Variants in LTBP1 observed in about 807,000 individuals in gnomAD.
LTBP1 encodes the protein latent transforming growth factor beta binding protein 1.
In LTBP1, 129 loss-of-function variants were observed where a neutral mutation model predicts 207.6. That is an observed-to-expected ratio of 0.62 (90% CI 0.54 to 0.72). The LOEUF is 0.72. Among genes scored for constraint, LTBP1 ranks in the 30% least tolerant of loss-of-function variants. LTBP1 has a pLI of 0.00. For synonymous variants in LTBP1, 963 were observed against 833.7 expected (o/e 1.16, Z -2.67); for missense variants, 2,281 against 2,217.2 (o/e 1.03, Z -0.58).
chr2:33,046,148 A>G (rs936888231), intron 3 of LTBP1, among the ~76,000 whole-genome samples: 3 of 152,120 alleles, frequency 2.0e-5, no homozygotes, highest in Admixed American at 6.5e-5. Flanking sequence ...TTCCAATACT[A>G]TGTTGAATAG....
intron 5 of LTBP1, among the ~76,000 whole-genome samples, chr2:33,141,124 C>T (rs2082615969): frequency 6.6e-6 from 1 of 152,208 alleles, no homozygotes; most frequent in African/African-American, 2.4e-5. Flanking sequence ...CCTCCTCCGG[C>T]ATTACAAAAA....
At chr2:33,000,912 G>T (rs1308226661) in intron 2 of LTBP1, among the ~76,000 whole-genome samples, 3 of 134,464 alleles carry the variant, frequency 2.2e-5, no homozygotes, top group African/African-American at 7.8e-5. Flanking sequence ...AAGCTTCAGT[G>T]TACAATTGCA....
intron 32 of LTBP1, among the ~76,000 whole-genome samples, chr2:33,395,529 C>A (rs2095350842): frequency 6.6e-6 from 1 of 152,128 alleles, no homozygotes; most frequent in African/African-American, 2.4e-5. Flanking sequence ...CCACTTTCTT[C>A]TCTGAAGGGC....
chr2:32,947,945 C>G (rs1018614391), intron 1 of LTBP1, 127 bp downstream of exon 1: 2 of 734,250 alleles, frequency 2.7e-6, no homozygotes, highest in Non-Finnish European at 3.7e-6. Context: ...GGTCGGCTTT[C>G]TCCTCCCGCC....
intron 5 of LTBP1, among the ~76,000 whole-genome samples, chr2:33,180,647 G>C (rs1326277393): frequency 6.6e-6 from 1 of 151,934 alleles, no homozygotes; most frequent in Non-Finnish European, 1.5e-5. Context: ...GTAGAGACGG[G>C]GGTATGCCTT....
intron 3 of LTBP1, among the ~76,000 whole-genome samples, chr2:33,036,233 G>C (rs1164584813): frequency 6.6e-6 from 1 of 152,094 alleles, no homozygotes; most frequent in Non-Finnish European, 1.5e-5. Context: ...TGGTGGGTCT[G>C]GGGAGGGGTG....
At chr2:33,279,566 A>G (rs1156485342) in intron 18 of LTBP1, among the ~76,000 whole-genome samples, 4 of 151,702 alleles carry the variant, frequency 2.6e-5, no homozygotes, top group East Asian at 3.9e-4. Flanking sequence ...GTTTTAAATT[A>G]TTCCAACCTA....
chr2:33,162,154 T>C (rs191293734), intron 5 of LTBP1, among the ~76,000 whole-genome samples: 1 of 152,220 alleles, frequency 6.6e-6, no homozygotes, highest in African/African-American at 2.4e-5. Context: ...TTTTTGTGGC[T>C]GAAGTGTTGA....
intron 2 of LTBP1, among the ~76,000 whole-genome samples, chr2:32,957,222 TCTC>T (rs779995376): frequency 9.2e-5 from 14 of 152,196 alleles, no homozygotes; most frequent in African/African-American, 2.7e-4. Flanking sequence ...GGAATTGACT[TCTC>T]CTCAGTTTTC....
At chr2:33,368,489 G>C (rs1354077157) in intron 31 of LTBP1, among the ~76,000 whole-genome samples, 1 of 152,164 alleles carries the variant, frequency 6.6e-6, no homozygotes, top group Non-Finnish European at 1.5e-5. Context: ...AAACAATGCT[G>C]CAATGAACCT....
Position 33,222,170 on chromosome 2 carries a change from A to G in LTBP1, c.1876+19A>G. 6.4e-7 allele frequency: 1 copy of G among 1,561,702 alleles called. No individual in the cohort carries two copies. The highest frequency in any genetic ancestry group is 1.7e-5 in the Admixed American group (1 of 59,944). ...TGCCAAGGTAAGACTAACTGAATTC[A>G]TTGATGTGGACTCAACAGTTGTTTT... On this transcript the variant is annotated intron_variant, in intron 9 of 33. Coordinates refer to ENST00000404816, the MANE Select transcript of LTBP1 (RefSeq NM_206943.4).
intron 18 of LTBP1, among the ~76,000 whole-genome samples, chr2:33,277,411 C>T (rs1054915978): frequency 2.6e-5 from 4 of 152,178 alleles, no homozygotes; most frequent in Non-Finnish European, 5.9e-5. Context: ...GAGCAGCTCA[C>T]CACGCCCACA....
intron 3 of LTBP1, among the ~76,000 whole-genome samples, chr2:33,033,417 G>T (rs545821157): frequency 4.3e-4 from 66 of 152,206 alleles, no homozygotes; most frequent in African/African-American, 1.5e-3. Context: ...CTTCTGAATT[G>T]CAGACAGCAT....
At chr2:33,365,154 C>T (rs1320270218) in intron 30 of LTBP1, among the ~76,000 whole-genome samples, 179 bp from the exon 31 acceptor site, 1 of 152,156 alleles carries the variant, frequency 6.6e-6, no homozygotes, top group African/African-American at 2.4e-5. Context: ...GATGGAATGA[C>T]ACCCAGTTGG....
chr2:33,058,316 T>C (rs1305968234), intron 3 of LTBP1, among the ~76,000 whole-genome samples: 1 of 152,256 alleles, frequency 6.6e-6, no homozygotes, highest in Admixed American at 6.5e-5. Flanking sequence ...GACCATTGAC[T>C]ATAGGTTCTT....
intron 29 of LTBP1, 151 bp downstream of exon 29, chr2:33,363,669 T>C (rs1318197440): frequency 1.2e-6 from 1 of 856,106 alleles, no homozygotes; most frequent in Admixed American, 3.0e-5. Context: ...TTAAGCACAA[T>C]TGAAGAAAAT....
intron 2 of LTBP1, among the ~76,000 whole-genome samples, chr2:32,986,499 T>G (rs970274227): frequency 1.4e-4 from 21 of 152,186 alleles, no homozygotes; most frequent in Non-Finnish European, 2.9e-4. Flanking sequence ...GTTCAAATGG[T>G]GATACCGTGA....
intron 24 of LTBP1, among the ~76,000 whole-genome samples, chr2:33,324,101 C>T (rs1464070999): frequency 1.3e-5 from 2 of 152,042 alleles, no homozygotes; most frequent in Non-Finnish European, 2.9e-5. Flanking sequence ...GCTATTGTTA[C>T]TATTTTAGCA....
At chr2:33,094,380 C>T (rs551171555) in intron 3 of LTBP1, among the ~76,000 whole-genome samples, 2 of 152,270 alleles carry the variant, frequency 1.3e-5, no homozygotes, top group Admixed American at 1.3e-4. Context: ...GCAGTTGTCT[C>T]TAGACTTGTT....
Sources: gnomAD v4.1 joint callset for allele counts (sites outside exome capture counted in the v4.1 genomes callset) on GRCh38, gnomAD v4.1.1 for gene constraint, MANE v1.5 for transcripts, NCBI Gene and HGNC (gene_info 2026-07-23, HGNC 2026-07-21) for gene names.